Variants in OPCML observed in about 807,000 individuals in gnomAD.
The protein encoded by OPCML is opioid binding protein/cell adhesion molecule like, also known as opioid-binding protein/cell adhesion molecule.
Under a neutral mutation model 37.8 loss-of-function variants are expected in OPCML, and 13 were observed. The observed-to-expected ratio is 0.34, with a 90% CI of 0.22 to 0.55. The LOEUF (loss-of-function observed/expected upper bound fraction) is 0.55, where lower values mean the gene tolerates loss of function less well. Ranked by LOEUF, OPCML falls within the 20% of genes least tolerant of loss-of-function variation. The pLI, the probability that OPCML is intolerant of heterozygous loss-of-function variation, is 0.91. For missense variants in OPCML, 341 were observed against 435.6 expected, an observed-to-expected ratio of 0.78 and a Z score of 1.93; for synonymous variants, 176 against 168.8, an observed-to-expected ratio of 1.04 and a Z score of -0.33.
chr11:133,060,172 C>G (rs1008321901), intron 1 of OPCML, among the ~76,000 whole-genome samples: 1 of 150,896 alleles, frequency 6.6e-6, no homozygotes, highest in Non-Finnish European at 1.5e-5. Flanking sequence ...CTCCCTCTCC[C>G]TCTCCCTCTC....
rs146482826 is a variant in OPCML at position 133,348,743 on chromosome 11, G to A, written c.61+183521C>T. Among the ~76,000 whole-genome samples, 492 of 152,300 alleles carry A rather than the reference G, an allele frequency of 3.2e-3. 2 individuals carry two copies. The highest frequency in any genetic ancestry group is 3.7e-3 in the Non-Finnish European group (253 of 68,032). The stretch of plus-strand genomic sequence containing the variant: ...ATTCATTTAAGTTAGTATAAAGGCC[G>A]TGATACAAGAGAATGATAAGTCAAA... On this transcript the variant is annotated intron_variant, in intron 1 of 7. Coordinates refer to ENST00000524381, the MANE Select transcript of OPCML (RefSeq NM_001012393.5).
intron 2 of OPCML, among the ~76,000 whole-genome samples, chr11:132,778,967 T>TTTC (rs1565856937): frequency 1.4e-5 from 2 of 143,296 alleles, no homozygotes; most frequent in Non-Finnish European, 3.1e-5. Context: ...ATTTCTTTTT[T>TTTC]TTTTTTTTTT....
At chr11:133,233,830 C>T (rs895030444) in intron 1 of OPCML, among the ~76,000 whole-genome samples, 1 of 152,196 alleles carries the variant, frequency 6.6e-6, no homozygotes. Context: ...GCCACAGAAT[C>T]TCAGAAAGTA....
At position 133,204,058 on chromosome 11, in the gene OPCML, C is replaced by CAAAA. The variant is rs58343203; in HGVS notation, c.62-261052_62-261049dup. ...GGGGGGACAGAGCGAGACTCTGTCTCAAAAAAAAAAAAAAAAAAAAAAAAA... is the reference window on the plus strand; with the variant it reads ...GGGGGGACAGAGCGAGACTCTGTCTCAAAAAAAAAAAAAAAAAAAAAAAAAAAAA... On this transcript the variant is annotated intron_variant, in intron 1 of 7. Transcript: ENST00000524381. 3.5e-3 allele frequency among the ~76,000 whole-genome samples: 231 copies of CAAAA among 66,482 alleles called. 18 individuals carry two copies. The highest frequency in any genetic ancestry group is 0.01 in the African/African-American group (187 of 18,492). The allele number at this position is 66,482 out of a possible 152,430, so 43.6% of individuals were successfully genotyped here.
At chr11:132,774,006 A>T (rs1946731474) in intron 2 of OPCML, among the ~76,000 whole-genome samples, 1 of 152,226 alleles carries the variant, frequency 6.6e-6, no homozygotes, top group Non-Finnish European at 1.5e-5. Flanking sequence ...GTCATAGCAG[A>T]ATAGCAAGGA....
At chr11:133,243,979 G>T (rs1304035452) in intron 1 of OPCML, among the ~76,000 whole-genome samples, 1 of 152,142 alleles carries the variant, frequency 6.6e-6, no homozygotes, top group Non-Finnish European at 1.5e-5. Flanking sequence ...TTGGGAGAGG[G>T]GTGGACATGC....
intron 3 of OPCML, among the ~76,000 whole-genome samples, chr11:132,529,826 C>A (rs2096319200): frequency 6.6e-6 from 1 of 152,164 alleles, no homozygotes; most frequent in Admixed American, 6.6e-5. Flanking sequence ...ATCCAACCAG[C>A]AATGTGTGGG....
chr11:132,460,726 G>T (rs1335651680), intron 4 of OPCML, among the ~76,000 whole-genome samples: 1 of 152,168 alleles, frequency 6.6e-6, no homozygotes, highest in Non-Finnish European at 1.5e-5. Flanking sequence ...CTTCAGCACT[G>T]CACAATAAAC....
chr11:133,082,580 A>G (rs202076772), intron 1 of OPCML, among the ~76,000 whole-genome samples: 506 of 87,282 alleles, frequency 5.8e-3, no homozygotes, highest in African/African-American at 0.011. Context: ...TCTCCTCCTC[A>G]TCCTCTCCTC....
intron 1 of OPCML, among the ~76,000 whole-genome samples, chr11:133,402,694 G>A (rs1945432520): frequency 6.6e-6 from 1 of 152,192 alleles, no homozygotes; most frequent in Non-Finnish European, 1.5e-5. Context: ...AACCTAGGAT[G>A]AGCTGGAAGA....
At chr11:132,937,617 T>G (rs1326898123) in intron 2 of OPCML, among the ~76,000 whole-genome samples, 2 of 148,696 alleles carry the variant, frequency 1.3e-5, no homozygotes, top group Admixed American at 6.7e-5. Context: ...TGTGTGTGTG[T>G]GTGTGTGTGT....
At chr11:133,454,962 A>G (rs1043602343) in intron 1 of OPCML, among the ~76,000 whole-genome samples, 2 of 152,194 alleles carry the variant, frequency 1.3e-5, no homozygotes, top group Non-Finnish European at 2.9e-5. Flanking sequence ...GAAAACAAGT[A>G]TGTGGGATTC....
intron 4 of OPCML, among the ~76,000 whole-genome samples, chr11:132,446,103 CTT>C (rs58784534): frequency 2.7e-4 from 13 of 48,514 alleles, no homozygotes; most frequent in Admixed American, 2.1e-3. Context: ...CTGCTTGTGT[CTT>C]TTTTTTTTTT....
At chr11:133,502,690 C>T (rs1190970747) in intron 1 of OPCML, among the ~76,000 whole-genome samples, 1 of 152,214 alleles carries the variant, frequency 6.6e-6, no homozygotes, top group Non-Finnish European at 1.5e-5. Context: ...GATTTTCAGT[C>T]CAAGTCCTCA....
At chr11:132,513,696 T>A (rs4375450) in intron 4 of OPCML, among the ~76,000 whole-genome samples, 30,398 of 152,124 alleles carry the variant, frequency 0.2, 3,125 homozygotes, top group Non-Finnish European at 0.22. Flanking sequence ...ACTCTGAATC[T>A]ATGTTTACAG....
intron 2 of OPCML, among the ~76,000 whole-genome samples, chr11:132,837,714 A>G (rs1941097645): frequency 6.6e-6 from 1 of 152,176 alleles, no homozygotes; most frequent in African/African-American, 2.4e-5. Flanking sequence ...CACAGAGGAG[A>G]TGACTCCAGT....
chr11:132,634,015 C>G (rs139189260), intron 3 of OPCML, among the ~76,000 whole-genome samples: 1 of 152,238 alleles, frequency 6.6e-6, no homozygotes, highest in East Asian at 1.9e-4. Flanking sequence ...ATGGGGGTAG[C>G]AGTTGCAGGC....
At chr11:132,979,438 A>G (rs146843687) in intron 1 of OPCML, among the ~76,000 whole-genome samples, 317 of 152,350 alleles carry the variant, frequency 2.1e-3, no homozygotes, top group African/African-American at 7.1e-3. Flanking sequence ...TGCCTATGGC[A>G]TATGAAGTGG....
intron 1 of OPCML, among the ~76,000 whole-genome samples, chr11:133,411,795 G>A (rs1463284757): frequency 6.6e-6 from 1 of 152,170 alleles, no homozygotes; most frequent in Non-Finnish European, 1.5e-5. Flanking sequence ...GCTGCTTGTG[G>A]TGGAAGATCA....
Sources: allele counts gnomAD v4.1 joint callset (sites outside exome capture counted in the v4.1 genomes callset), GRCh38; gene constraint gnomAD v4.1.1; transcripts MANE v1.5; gene names NCBI Gene and HGNC (gene_info 2026-07-23, HGNC 2026-07-21).